LYPLAL1: variants seen among roughly 807,000 people sequenced by gnomAD.
The protein encoded by LYPLAL1 is lysophospholipase like 1.
A neutral mutation model predicts 19.7 loss-of-function variants in LYPLAL1; 23 were observed. The ratio of observed to expected loss-of-function variants is 1.17; its 90% CI spans 0.84 to 1.65. The LOEUF (loss-of-function observed/expected upper bound fraction) is 1.65, where lower values mean the gene tolerates loss of function less well. LYPLAL1 is among the 40% of genes most tolerant of loss of function. The probability of loss-of-function intolerance (pLI) is 0.00; values close to 1 mark genes in which losing one functional copy is unlikely to be tolerated. For missense variants in LYPLAL1, 355 were observed against 279.4 expected, an observed-to-expected ratio of 1.27 and a Z score of -1.93; for synonymous variants, 119 against 96.3, an observed-to-expected ratio of 1.24 and a Z score of -1.38.
the LYPLAL1 span, among the ~76,000 whole-genome samples, chr1:219,303,467 T>G: frequency 6.6e-6 from 1 of 152,192 alleles, no homozygotes; most frequent in Admixed American, 6.5e-5. Flanking sequence ...CCCAAGACAT[T>G]TTGGCCATGG....
At chr1:219,235,896 G>T in the LYPLAL1 span, among the ~76,000 whole-genome samples, 1 of 152,148 alleles carries the variant, frequency 6.6e-6, no homozygotes, top group African/African-American at 2.4e-5. Flanking sequence ...TGGTTCTGAG[G>T]TCGGGCATTT....
At chr1:219,177,676 C>T (rs190774367) in intron 1 of LYPLAL1, among the ~76,000 whole-genome samples, 1 of 152,302 alleles carries the variant, frequency 6.6e-6, no homozygotes. Flanking sequence ...AATTTTACCA[C>T]CTAAATTTCT....
chr1:219,183,808 AGTTT>A (rs554579352), intron 2 of LYPLAL1, among the ~76,000 whole-genome samples: 33 of 152,034 alleles, frequency 2.2e-4, no homozygotes, highest in East Asian at 7.7e-4. Context: ...AATATAACAC[AGTTT>A]GTTTATTTAT....
At chr1:219,433,355 AGGAGTCTGTCT>A in the LYPLAL1 span, among the ~76,000 whole-genome samples, 1 of 152,188 alleles carries the variant, frequency 6.6e-6, no homozygotes, top group Non-Finnish European at 1.5e-5. Context: ...ATCTTTGTTC[AGGAGTCTGTCT>A]TCTTACTAAA....
the LYPLAL1 span, among the ~76,000 whole-genome samples, chr1:219,313,749 G>C: frequency 2.0e-5 from 3 of 152,044 alleles, no homozygotes; most frequent in Non-Finnish European, 4.4e-5. Flanking sequence ...TGGCCAGGCT[G>C]GTCTCCAACT....
At chr1:219,380,128 A>G in the LYPLAL1 span, among the ~76,000 whole-genome samples, 1 of 152,232 alleles carries the variant, frequency 6.6e-6, no homozygotes. Context: ...ATCCTTTTAT[A>G]AGGAGGAAAT....
chr1:219,218,416 C>T, the LYPLAL1 span, among the ~76,000 whole-genome samples: 1 of 152,044 alleles, frequency 6.6e-6, no homozygotes, highest in Non-Finnish European at 1.5e-5. Flanking sequence ...ATTGTCCACC[C>T]TGCAGCCCAC....
the LYPLAL1 span, among the ~76,000 whole-genome samples, chr1:219,244,921 A>C: frequency 1.0e-4 from 15 of 150,604 alleles, no homozygotes; most frequent in African/African-American, 2.7e-4. Context: ...CAAAAAAAAA[A>C]AAAAAACAAA....
chr1:219,396,117 A>G, the LYPLAL1 span, among the ~76,000 whole-genome samples: 1 of 151,746 alleles, frequency 6.6e-6, no homozygotes, highest in Non-Finnish European at 1.5e-5. Flanking sequence ...AAAAAAAAAA[A>G]AAGAAGGAGT....
downstream of LYPLAL1, among the ~76,000 whole-genome samples, chr1:219,214,108 A>T (rs1659200144): frequency 6.6e-6 from 1 of 152,062 alleles, no homozygotes; most frequent in African/African-American, 2.4e-5. Context: ...TGGCTGTTGA[A>T]TTTTGTCAAA....
chr1:219,249,634 A>G, the LYPLAL1 span, among the ~76,000 whole-genome samples: 4 of 152,082 alleles, frequency 2.6e-5, no homozygotes, highest in Non-Finnish European at 5.9e-5. Flanking sequence ...CTATCAATTT[A>G]CACTCTCATG....
At chr1:219,255,397 A>AT in the LYPLAL1 span, among the ~76,000 whole-genome samples, 1 of 151,744 alleles carries the variant, frequency 6.6e-6, no homozygotes, top group Non-Finnish European at 1.5e-5. Flanking sequence ...TTAAAATTCA[A>AT]TTTTCTATTT....
the LYPLAL1 span, among the ~76,000 whole-genome samples, chr1:219,437,986 C>T: frequency 6.6e-6 from 1 of 151,920 alleles, no homozygotes; most frequent in African/African-American, 2.4e-5. Context: ...AGGCTGGTCT[C>T]GAACTCCTGA....
the LYPLAL1 span, among the ~76,000 whole-genome samples, chr1:219,382,829 A>T: frequency 6.6e-6 from 1 of 152,172 alleles, no homozygotes; most frequent in South Asian, 2.1e-4. Flanking sequence ...CAAATCAGAG[A>T]AATAGAAAAC....
At chr1:219,428,277 T>A in the LYPLAL1 span, among the ~76,000 whole-genome samples, 1 of 152,256 alleles carries the variant, frequency 6.6e-6, no homozygotes, top group Admixed American at 6.5e-5. Context: ...CATGAGCTTT[T>A]ATTTCTCAGT....
the LYPLAL1 span, among the ~76,000 whole-genome samples, chr1:219,307,096 C>G: frequency 2.1e-4 from 32 of 150,822 alleles, no homozygotes; most frequent in African/African-American, 6.1e-4. Flanking sequence ...GGATCATAAA[C>G]TGACTTTGAA....
At chr1:219,187,776 T>A (rs930128556) in intron 2 of LYPLAL1, among the ~76,000 whole-genome samples, 2 of 151,714 alleles carry the variant, frequency 1.3e-5, no homozygotes, top group Non-Finnish European at 3.0e-5. Context: ...AGAATTCCTA[T>A]CTGAAGCATG....
At chr1:219,412,168 C>T in the LYPLAL1 span, among the ~76,000 whole-genome samples, 2 of 152,040 alleles carry the variant, frequency 1.3e-5, no homozygotes, top group Non-Finnish European at 2.9e-5. Context: ...CTTGTCTCAG[C>T]CCCCCAACAG....
At chr1:219,174,523 TCTTTCCTTCCTTTCC>T (rs1464954219) in intron 1 of LYPLAL1, among the ~76,000 whole-genome samples, 1 of 152,220 alleles carries the variant, frequency 6.6e-6, no homozygotes, top group African/African-American at 2.4e-5. Flanking sequence ...TTGCTGCTTC[TCTTTCCTTCCTTTCC>T]CTTTCCCGCC....
Sources: allele counts gnomAD v4.1 joint callset (sites outside exome capture counted in the v4.1 genomes callset), GRCh38; gene constraint gnomAD v4.1.1; transcripts MANE v1.5; gene names NCBI Gene and HGNC (gene_info 2026-07-23, HGNC 2026-07-21).